The following INSC variants were observed in gnomAD, a reference collection of about 807,000 sequenced individuals.
INSC encodes the protein INSC spindle orientation adaptor protein.
INSC carries 67 observed loss-of-function variants against 58.6 expected under a neutral mutation model. That is an observed-to-expected ratio of 1.14 (90% CI 0.94 to 1.40). INSC has a LOEUF of 1.40. INSC is among the 40% of genes most tolerant of loss of function. The pLI, the probability that INSC is intolerant of heterozygous loss-of-function variation, is 0.00. For missense variants in INSC, 714 were observed against 692.0 expected (o/e 1.03, Z -0.36); for synonymous variants, 262 against 276.1 (o/e 0.95, Z 0.51).
rs1365830533 is a variant in INSC at position 15,149,219 on chromosome 11, G to A, written c.45G>A (p.Leu15=). 2 of 1,606,400 alleles carry A rather than the reference G, an allele frequency of 1.2e-6. No individual in the cohort carries two copies. Among genetic ancestry groups the A allele is most frequent in the Non-Finnish European group, 1.7e-6 (2 of 1,176,704 alleles). The change falls in exon 2 of 13, where the codon CTG becomes CTA. Residue 15 remains leucine (L), a synonymous_variant. Transcript: ENST00000379556. ...GTCGCCACCTGGACTCCGTCACCCT[G>A]CCGGGTCAGCGGTAAGTCCTACAGC... ...PGGRHLDSVT[L]PGQRLHLMQV... is the part of the protein sequence containing the mutation.
chr11:15,226,971 A>G (rs1389912849), intron 9 of INSC, among the ~76,000 whole-genome samples: 2 of 152,192 alleles, frequency 1.3e-5, no homozygotes, highest in Admixed American at 1.3e-4. Context: ...TCGCCTGTGA[A>G]AGGGCAGCTG....
intron 10 of INSC, among the ~76,000 whole-genome samples, chr11:15,236,168 T>C (rs888709159): frequency 1.3e-5 from 2 of 152,066 alleles, no homozygotes; most frequent in Non-Finnish European, 2.9e-5. Flanking sequence ...ATTTGTTTGC[T>C]TTTGTGAGGC....
intron 5 of INSC, among the ~76,000 whole-genome samples, chr11:15,183,526 TCAAA>T (rs551094072): frequency 3.2e-4 from 49 of 152,276 alleles, no homozygotes; most frequent in African/African-American, 1.1e-3. Context: ...CCATTTATTC[TCAAA>T]CAGTGTGTGG....
chr11:15,245,410 G>A (rs776267042), intron 12 of INSC, among the ~76,000 whole-genome samples: 1 of 152,184 alleles, frequency 6.6e-6, no homozygotes, highest in Non-Finnish European at 1.5e-5. Context: ...TGCTCATTGT[G>A]TGGGGAGCTG....
intron 10 of INSC, 33 bp from the exon 11 acceptor site, chr11:15,238,886 G>A: frequency 6.2e-7 from 1 of 1,602,944 alleles, no homozygotes; most frequent in Non-Finnish European, 8.5e-7. Flanking sequence ...CCATGCTGGG[G>A]TAGGTACCAA....
chr11:15,176,632 G>T (rs1849583199), intron 3 of INSC, among the ~76,000 whole-genome samples: 1 of 152,122 alleles, frequency 6.6e-6, no homozygotes, highest in East Asian at 1.9e-4. Flanking sequence ...GTTACGCAGT[G>T]AATGGTGTAA....
chr11:15,184,453 T>A, intron 5 of INSC: 1 of 178,478 alleles, frequency 5.6e-6, no homozygotes, highest in South Asian at 9.3e-5. Context: ...TGGAGTGCAG[T>A]GGTGCAATCT....
At chr11:15,118,136 C>T (rs1191161773) in intron 1 of INSC, among the ~76,000 whole-genome samples, 1 of 152,160 alleles carries the variant, frequency 6.6e-6, no homozygotes, top group African/African-American at 2.4e-5. Flanking sequence ...AGGGATGGCC[C>T]TTGTGGAACT....
intron 1 of INSC, among the ~76,000 whole-genome samples, chr11:15,148,780 A>G (rs1237031815): frequency 1.3e-5 from 2 of 149,788 alleles, no homozygotes; most frequent in African/African-American, 5.0e-5. Context: ...TGTGAATCTC[A>G]GATAAACCAT....
Position 15,190,642 on chromosome 11 carries a change from GA to G in INSC, c.580-58del. ...CATGGGCCCACTGGTGTTCCACTAA[GA>G]TGAGCAGAGGGTAGAGGTGGTGAGT... is the stretch of plus-strand genomic sequence containing the variant. On this transcript the variant is annotated intron_variant, in intron 5 of 12. Coordinates refer to ENST00000379556, the MANE Select transcript of INSC (RefSeq NM_001042536.3). 3 of 1,179,480 alleles carry G rather than the reference GA, an allele frequency of 2.5e-6. No homozygotes were observed. In the South Asian group the frequency reaches 3.7e-5, roughly 14 times the overall value. 73.1% of individuals were successfully genotyped at this position (1,179,480 alleles called of 1,614,324 possible).
At chr11:15,145,895 C>T (rs117338709) in intron 1 of INSC, among the ~76,000 whole-genome samples, 3,139 of 152,180 alleles carry the variant, frequency 0.021, 43 homozygotes, top group Non-Finnish European at 0.033. Flanking sequence ...TGTTGCCATT[C>T]GGGAATGGAG....
chr11:15,229,887 A>C (rs551651564), intron 9 of INSC, among the ~76,000 whole-genome samples: 1 of 136,954 alleles, frequency 7.3e-6, no homozygotes, highest in African/African-American at 2.8e-5. Context: ...GCAAAATCCT[A>C]TCTCTATAAA....
At chr11:15,134,140 C>T (rs992294182) in intron 1 of INSC, among the ~76,000 whole-genome samples, 3 of 152,062 alleles carry the variant, frequency 2.0e-5, no homozygotes, top group Non-Finnish European at 2.9e-5. Context: ...TTACTTTGGA[C>T]GTTTGGAGGA....
intron 9 of INSC, chr11:15,235,273 T>C (rs1348080090): frequency 1.6e-5 from 6 of 364,182 alleles, no homozygotes; most frequent in Non-Finnish European, 3.1e-5. Context: ...TGGTTCTGTC[T>C]GCATTTCAGG....
intron 12 of INSC, among the ~76,000 whole-genome samples, chr11:15,244,792 C>CT (rs1852496707): frequency 6.6e-6 from 1 of 152,164 alleles, no homozygotes; most frequent in Admixed American, 6.5e-5. Context: ...TTCCCCCACT[C>CT]TTTTTGCTTC....
At chr11:15,229,153 A>G (rs184661522) in intron 9 of INSC, among the ~76,000 whole-genome samples, 1 of 152,260 alleles carries the variant, frequency 6.6e-6, no homozygotes, top group Admixed American at 6.5e-5. Context: ...TATCTTATCT[A>G]ATATATAATA....
At chr11:15,112,485 G>A (rs770786661), upstream of INSC, 9 of 1,610,512 alleles carry the variant, frequency 5.6e-6, no homozygotes, top group Admixed American at 1.7e-5. Flanking sequence ...ACGGCCCCCT[G>A]GCAATGGAGA....
intron 1 of INSC, among the ~76,000 whole-genome samples, chr11:15,122,454 T>G (rs532049730): frequency 6.6e-6 from 1 of 152,328 alleles, no homozygotes; most frequent in East Asian, 1.9e-4. Flanking sequence ...GGAGTCTAAG[T>G]GACTCCCAGT....
At chr11:15,142,010 G>C (rs1014211420) in intron 1 of INSC, among the ~76,000 whole-genome samples, 6 of 152,170 alleles carry the variant, frequency 3.9e-5, no homozygotes, top group African/African-American at 1.4e-4. Flanking sequence ...ACAGGACAGA[G>C]ACTAAATAAT....
Sources: gnomAD v4.1 joint callset for allele counts (sites outside exome capture counted in the v4.1 genomes callset) on GRCh38, gnomAD v4.1.1 for gene constraint, MANE v1.5 for transcripts, NCBI Gene and HGNC (gene_info 2026-07-23, HGNC 2026-07-21) for gene names.